DNAJC13: variants seen among roughly 807,000 people sequenced by gnomAD.
DNAJC13 encodes dnaJ homolog subfamily C member 13.
Under a neutral mutation model 290.5 loss-of-function variants are expected in DNAJC13, and 75 were observed. The observed-to-expected ratio is 0.26, with a 90% CI of 0.21 to 0.31. The LOEUF is 0.31. Among genes scored for constraint, DNAJC13 ranks in the 10% least tolerant of loss-of-function variants. DNAJC13 has a pLI of 1.00. For missense variants in DNAJC13, 2,260 were observed against 2,674.5 expected, an observed-to-expected ratio of 0.85 and a Z score of 3.42; for synonymous variants, 862 against 892.0, an observed-to-expected ratio of 0.97 and a Z score of 0.60.
intron 54 of DNAJC13, among the ~76,000 whole-genome samples, chr3:132,529,176 C>T (rs371780797): frequency 7.2e-5 from 11 of 152,098 alleles, no homozygotes; most frequent in South Asian, 2.1e-4. Flanking sequence ...ACCTCTTCTG[C>T]GTATTTCATA....
chr3:132,429,672 T>C (rs532564778), intron 1 of DNAJC13, among the ~76,000 whole-genome samples: 2 of 152,314 alleles, frequency 1.3e-5, no homozygotes, highest in South Asian at 4.1e-4. Flanking sequence ...AAAAGCATTA[T>C]CCTGATTTCC....
intron 55 of DNAJC13, among the ~76,000 whole-genome samples, chr3:132,531,979 A>G (rs1404714830): frequency 6.6e-6 from 1 of 152,204 alleles, no homozygotes; most frequent in Non-Finnish European, 1.5e-5. Context: ...CACTAATTGC[A>G]TAATTTTAGA....
At chr3:132,436,432 T>G (rs1339955123) in intron 2 of DNAJC13, among the ~76,000 whole-genome samples, 1 of 152,254 alleles carries the variant, frequency 6.6e-6, no homozygotes, top group African/African-American at 2.4e-5. Context: ...TATACTACAT[T>G]TTGTTTATCC....
chr3:132,531,694 G>A (rs978404951), intron 55 of DNAJC13, among the ~76,000 whole-genome samples: 1 of 152,024 alleles, frequency 6.6e-6, no homozygotes, highest in Non-Finnish European at 1.5e-5. Flanking sequence ...CTACTCGGGA[G>A]GCTGAGGCAG....
intron 2 of DNAJC13, among the ~76,000 whole-genome samples, chr3:132,435,132 G>A (rs1158710554): frequency 1.3e-5 from 2 of 150,916 alleles, no homozygotes; most frequent in Admixed American, 1.3e-4. Context: ...AGACCAAAAT[G>A]TAAGTGCTTC....
chr3:132,469,992 T>TTTA (rs1934139736), intron 20 of DNAJC13, among the ~76,000 whole-genome samples: 2 of 96,018 alleles, frequency 2.1e-5, no homozygotes, highest in Non-Finnish European at 4.3e-5. Flanking sequence ...TTTTTTTTTT[T>TTTA]AATTTATTTT....
intron 38 of DNAJC13, among the ~76,000 whole-genome samples, chr3:132,500,467 A>C (rs528873135): frequency 6.6e-6 from 1 of 152,200 alleles, no homozygotes; most frequent in Admixed American, 6.5e-5. Flanking sequence ...TTCAGGCTTC[A>C]TACAGTCTCT....
intron 2 of DNAJC13, among the ~76,000 whole-genome samples, chr3:132,436,571 GT>G (rs1295573771): frequency 6.6e-6 from 1 of 152,156 alleles, no homozygotes; most frequent in African/African-American, 2.4e-5. Context: ...GGGTTATGTG[GT>G]AACTCTGTTT....
intron 1 of DNAJC13, among the ~76,000 whole-genome samples, chr3:132,418,198 ACTTT>A (rs1938853619): frequency 6.6e-6 from 1 of 152,012 alleles, no homozygotes; most frequent in Admixed American, 6.6e-5. Context: ...CTGCAGACTG[ACTTT>A]CTTTGCTTTG....
Position 132,456,396 on chromosome 3 carries a change from C to T in DNAJC13, c.1094C>T (p.Pro365Leu), listed in dbSNP as rs1156906153. ...ESLHLRFLAT[P>L]PNGNFADAVF... ...CTTCACCTCAGGTTCTTAGCTACGC[C>T]TCCAAGTAAGTATTGATTTAAATGT... Residue 365 changes from proline (P) to leucine (L), a missense_variant, in exon 10 of 56, where the codon CCT becomes CTT. This residue lies in a region of DNAJC13 where 762 missense variants were observed against 964.1 expected (regional missense o/e 0.79). Transcript: ENST00000260818. The T allele has an allele frequency of 1.2e-6, 2 of 1,612,486 alleles. No homozygotes were observed. Among genetic ancestry groups the T allele is most frequent in the African/African-American group, 1.3e-5 (1 of 74,760 alleles).
At chr3:132,435,611 T>C (rs772140909) in intron 2 of DNAJC13, among the ~76,000 whole-genome samples, 10 of 152,224 alleles carry the variant, frequency 6.6e-5, no homozygotes, top group Non-Finnish European at 1.3e-4. Flanking sequence ...GTTGTTACCC[T>C]TTAGAATACT....
At chr3:132,528,803 A>G (rs1270745113) in intron 54 of DNAJC13, among the ~76,000 whole-genome samples, 2 of 149,360 alleles carry the variant, frequency 1.3e-5, no homozygotes, top group Non-Finnish European at 3.0e-5. Flanking sequence ...TGTTTTTCCT[A>G]TGTGTGTTAA....
chr3:132,511,454 G>A (rs1212844857), intron 44 of DNAJC13, among the ~76,000 whole-genome samples: 1 of 152,142 alleles, frequency 6.6e-6, no homozygotes, highest in Non-Finnish European at 1.5e-5. Context: ...AAAAATTCAT[G>A]TCTTTATGAG....
intron 1 of DNAJC13, among the ~76,000 whole-genome samples, chr3:132,433,428 T>G (rs1939292183): frequency 6.6e-6 from 1 of 152,074 alleles, no homozygotes; most frequent in South Asian, 2.1e-4. Flanking sequence ...TGTAGGCATA[T>G]GCTACCATGC....
At position 132,514,559 on chromosome 3, in the gene DNAJC13, A is replaced by G. The variant is rs1266478105; in HGVS notation, c.5386-12A>G. On this transcript the variant is annotated splice_polypyrimidine_tract_variant and intron_variant, in intron 45 of 55. Transcript: ENST00000260818. ...TTCTGAAACTTTTACTATCCTGTTG[A>G]TTAATTTTCAGGTTGTGAATATAGT... 57 of 1,586,154 alleles carry G rather than the reference A, an allele frequency of 3.6e-5. No individual in the cohort carries two copies. The highest frequency in any genetic ancestry group is 4.7e-5 in the Non-Finnish European group (55 of 1,161,648).
chr3:132,528,253 T>C lies in DNAJC13; in HGVS notation c.6446T>C (p.Leu2149Pro), dbSNP rs371141601. 2.5e-6 allele frequency: 4 copies of C among 1,614,076 alleles called. No individual in the cohort carries two copies. The highest frequency in any genetic ancestry group is 1.3e-5 in the African/African-American group (1 of 74,928). The change falls in exon 54 of 56, where the codon CTG becomes CCG. Residue 2149 changes from leucine to proline, a missense_variant. Transcript: ENST00000260818. ...CTCGAAGGCATTGGCCTTGAAAACC[T>C]GGACAGCCCAGCAGCCACTAAGGCT... ...KLLEGIGLENLDSPAATKAQI... is the reference protein window; with the variant it reads ...KLLEGIGLENPDSPAATKAQI...
chr3:132,466,627 C>T (rs1194141714), intron 19 of DNAJC13, among the ~76,000 whole-genome samples: 2 of 151,854 alleles, frequency 1.3e-5, no homozygotes, highest in African/African-American at 4.8e-5. Flanking sequence ...CAGCTATCAC[C>T]ACAAATTAAT....
rs567855750 is a variant in DNAJC13, at chr3:132,426,980, G to T, written c.-13-7558G>T. Among the ~76,000 whole-genome samples the T allele has an allele frequency of 2.6e-5, 4 of 151,638 alleles. No homozygotes were observed. In the East Asian group the frequency reaches 7.7e-4, roughly 29 times the overall value. On this transcript the variant is annotated intron_variant, in intron 1 of 55. Transcript: ENST00000260818. ...AATAGTATTTTGTAGGAATAAAGTT[G>T]AAATAAAAGACAAGCTTAAGTGTTG...
chr3:132,469,641 C>G (rs1285952492), intron 20 of DNAJC13, among the ~76,000 whole-genome samples: 1 of 152,080 alleles, frequency 6.6e-6, no homozygotes, highest in African/African-American at 2.4e-5. Context: ...AAAGATTTGT[C>G]ATTAAACCAA....
Sources: gnomAD v4.1 joint callset for allele counts (sites outside exome capture counted in the v4.1 genomes callset) on GRCh38, gnomAD v4.1.1 for gene constraint, gnomAD v4.1.1 regional missense constraint, MANE v1.5 for transcripts, NCBI Gene and HGNC (gene_info 2026-07-23, HGNC 2026-07-21) for gene names.